Variants in PATJ observed in about 807,000 individuals in gnomAD.
PATJ encodes the protein PATJ crumbs cell polarity complex component.
In PATJ, 190 loss-of-function variants were observed where a neutral mutation model predicts 224.9. The observed-to-expected ratio is 0.84, with a 90% CI of 0.75 to 0.95. The LOEUF (loss-of-function observed/expected upper bound fraction) is 0.95. PATJ is among the 40% of genes least tolerant of loss of function. The pLI is 0.00. For synonymous variants in PATJ, 769 were observed against 820.3 expected (o/e 0.94, Z 1.07); for missense variants, 2,121 against 2,270.3 (o/e 0.93, Z 1.34).
chr1:62,156,306 G>A (rs1391119741), intron 43 of PATJ, among the ~76,000 whole-genome samples: 2 of 151,956 alleles, frequency 1.3e-5, no homozygotes, highest in African/African-American at 2.4e-5. Context: ...GAGGCAGGCT[G>A]ATCACTTGAG....
intron 34 of PATJ, among the ~76,000 whole-genome samples, chr1:62,111,593 G>A (rs1663815913): frequency 6.6e-6 from 1 of 152,026 alleles, no homozygotes; most frequent in African/African-American, 2.4e-5. Flanking sequence ...AATTTACACA[G>A]GGTTTCATAT....
At chr1:61,835,664 A>G (rs1290454150) in intron 17 of PATJ, among the ~76,000 whole-genome samples, 1 of 152,004 alleles carries the variant, frequency 6.6e-6, no homozygotes, top group East Asian at 1.9e-4. Context: ...TCAGCCTCCT[A>G]ATGTGCTGGG....
rs71582652 is a variant in PATJ, at chr1:61,920,702, CTTTTTT to C, written c.3570+6056_3570+6061del. 5.6e-5 allele frequency among the ~76,000 whole-genome samples: 5 copies of C among 89,500 alleles called. No homozygotes were observed. The South Asian group carries it at 1.8e-3, about 32-fold the overall frequency. 58.7% of individuals were successfully genotyped at this position (89,500 alleles called of 152,430 possible). On this transcript the variant is annotated intron_variant, in intron 26 of 43. Transcript: ENST00000642238. ...AGTGAATCTAGACTTGTATGGAATT[CTTTTTT>C]TTTTTTTTTTTTTTTTTGAGACAGA...
At chr1:62,085,869 C>T (rs527539532) in intron 33 of PATJ, among the ~76,000 whole-genome samples, 3 of 148,888 alleles carry the variant, frequency 2.0e-5, no homozygotes, top group East Asian at 3.9e-4. Context: ...TCCGGCCTAA[C>T]AATTTAGGGT....
chr1:62,088,408 G>A (rs147185206), intron 33 of PATJ, among the ~76,000 whole-genome samples: 26 of 152,018 alleles, frequency 1.7e-4, no homozygotes, highest in South Asian at 4.2e-4. Flanking sequence ...CCCTCCTTCC[G>A]CTCCCATCAA....
At chr1:61,816,138 G>A (rs113313499) in intron 14 of PATJ, among the ~76,000 whole-genome samples, 1,657 of 152,128 alleles carry the variant, frequency 0.011, 19 homozygotes, top group Middle Eastern at 0.02. Flanking sequence ...TTAAAATATG[G>A]TTTCTCCCCA....
intron 27 of PATJ, among the ~76,000 whole-genome samples, chr1:61,970,214 C>G (rs990735777): frequency 2.0e-5 from 3 of 151,208 alleles, no homozygotes; most frequent in Admixed American, 2.0e-4. Flanking sequence ...CATTTTTTCT[C>G]TCTTTATTTG....
intron 27 of PATJ, among the ~76,000 whole-genome samples, chr1:61,969,310 T>C (rs1682610334): frequency 1.3e-5 from 2 of 152,222 alleles, no homozygotes. Flanking sequence ...TACTCTTCCA[T>C]AGGGGTTATA....
intron 43 of PATJ, among the ~76,000 whole-genome samples, chr1:62,158,373 C>T (rs1669458742): frequency 6.7e-6 from 1 of 148,852 alleles, no homozygotes; most frequent in Non-Finnish European, 1.5e-5. Flanking sequence ...GGACTCATGC[C>T]TGTAATCCCA....
intron 17 of PATJ, among the ~76,000 whole-genome samples, chr1:61,834,344 A>G (rs900421249): frequency 1.3e-5 from 2 of 152,202 alleles, no homozygotes; most frequent in Non-Finnish European, 2.9e-5. Flanking sequence ...TGGTCAAGTT[A>G]TATATTGCAT....
At chr1:61,820,303 G>A (rs550846720) in intron 14 of PATJ, among the ~76,000 whole-genome samples, 104 of 152,112 alleles carry the variant, frequency 6.8e-4, no homozygotes, top group Non-Finnish European at 1.1e-3. Flanking sequence ...CTCCCAAAGT[G>A]TTGGGATTAC....
chr1:62,107,238 G>A (rs542308087), intron 33 of PATJ, among the ~76,000 whole-genome samples: 23 of 151,796 alleles, frequency 1.5e-4, no homozygotes, highest in African/African-American at 5.1e-4. Flanking sequence ...CCCAGGAGAC[G>A]GAGCTTGCAG....
chr1:62,064,786 A>C (rs1656127893), intron 31 of PATJ, among the ~76,000 whole-genome samples: 1 of 152,220 alleles, frequency 6.6e-6, no homozygotes, highest in African/African-American at 2.4e-5. Context: ...CTGTATGCTT[A>C]AAATCAATTT....
At chr1:61,997,314 A>G (rs1205022455) in intron 28 of PATJ, among the ~76,000 whole-genome samples, 1 of 152,210 alleles carries the variant, frequency 6.6e-6, no homozygotes, top group Non-Finnish European at 1.5e-5. Flanking sequence ...GATGATCTGC[A>G]ACCCGGTTCA....
rs191205798 is a variant in PATJ at position 61,847,497 on chromosome 1, C to T, written c.2113-8533C>T. 2.8e-3 allele frequency among the ~76,000 whole-genome samples: 421 copies of T among 152,228 alleles called. 1 individual carries two copies. Among genetic ancestry groups the T allele is most frequent in the Non-Finnish European group, 3.4e-3 (231 of 68,024 alleles). On this transcript the variant is annotated intron_variant, in intron 17 of 43. Coordinates refer to ENST00000642238, the MANE Select transcript of PATJ (RefSeq NM_001350145.3). ...TAATAAGACACAAGGAGCCAGGAAC[C>T]GTATCAGTTTAATCTATCTTGAGTG... is the stretch of plus-strand genomic sequence containing the variant.
chr1:61,981,710 C>G (rs1031416966), intron 27 of PATJ, among the ~76,000 whole-genome samples: 1 of 149,322 alleles, frequency 6.7e-6, no homozygotes, highest in Non-Finnish European at 1.5e-5. Flanking sequence ...CTCACTCTGT[C>G]GCCCAGGTTG....
chr1:61,954,376 CCTTTT>C (rs1470838604), intron 27 of PATJ, among the ~76,000 whole-genome samples: 1 of 152,002 alleles, frequency 6.6e-6, no homozygotes, highest in African/African-American at 2.4e-5. Context: ...AGAGAATTTA[CCTTTT>C]CTTTTGTTCT....
intron 16 of PATJ, among the ~76,000 whole-genome samples, chr1:61,828,985 G>A (rs1389164351): frequency 6.6e-6 from 1 of 152,186 alleles, no homozygotes; most frequent in Non-Finnish European, 1.5e-5. Flanking sequence ...AAGGAAATGT[G>A]GTAATGTGAG....
At chr1:62,038,813 G>A in intron 30 of PATJ, 1 of 662,300 alleles carries the variant, frequency 1.5e-6, no homozygotes, top group Admixed American at 1.9e-5. Context: ...CGTGTTCAGG[G>A]TTCTGGGCCG....
Sources: gnomAD v4.1 joint callset for allele counts (sites outside exome capture counted in the v4.1 genomes callset) on GRCh38, gnomAD v4.1.1 for gene constraint, MANE v1.5 for transcripts, NCBI Gene and HGNC (gene_info 2026-07-23, HGNC 2026-07-21) for gene names.